Variants in ERGIC1 observed in about 807,000 individuals in gnomAD.
The protein encoded by ERGIC1 is endoplasmic reticulum-Golgi intermediate compartment protein 1.
ERGIC1 carries 19 observed loss-of-function variants against 38.3 expected under a neutral mutation model. The ratio of observed to expected loss-of-function variants is 0.50; its 90% CI spans 0.35 to 0.73. The LOEUF (loss-of-function observed/expected upper bound fraction) is 0.73. ERGIC1 is among the 30% of genes least tolerant of loss of function. ERGIC1 has a pLI of 0.01. For missense variants in ERGIC1, 294 were observed against 389.2 expected (o/e 0.76, Z 2.06); for synonymous variants, 124 against 157.6 (o/e 0.79, Z 1.60).
intron 1 of ERGIC1, chr5:172,867,475 G>T (rs1400929511): frequency 9.5e-6 from 4 of 422,478 alleles, no homozygotes; most frequent in Non-Finnish European, 1.9e-5. Context: ...CTGCTGGCTG[G>T]CCTTGGCCAC....
chr5:172,942,794 G>C (rs529671618), intron 9 of ERGIC1, among the ~76,000 whole-genome samples: 1 of 152,108 alleles, frequency 6.6e-6, no homozygotes, highest in East Asian at 1.9e-4. Context: ...GTGAGACCGA[G>C]TGGGCTCCAT....
chr5:172,840,244 A>G (rs1234013316), intron 1 of ERGIC1, among the ~76,000 whole-genome samples: 1 of 152,138 alleles, frequency 6.6e-6, no homozygotes, highest in Non-Finnish European at 1.5e-5. Flanking sequence ...TCTCCTCCCA[A>G]GGCCGTTTGG....
At chr5:172,910,859 T>A (rs1763191220) in intron 4 of ERGIC1, among the ~76,000 whole-genome samples, 1 of 152,172 alleles carries the variant, frequency 6.6e-6, no homozygotes, top group Non-Finnish European at 1.5e-5. Flanking sequence ...AAAACTCATT[T>A]GAAGTCTGAT....
intron 1 of ERGIC1, among the ~76,000 whole-genome samples, chr5:172,873,476 C>T (rs1762068578): frequency 1.3e-5 from 2 of 152,238 alleles, no homozygotes; most frequent in South Asian, 4.1e-4. Context: ...GACACAGCAC[C>T]ACAGTTCCTT....
chr5:172,868,050 C>G (rs533321659), intron 1 of ERGIC1, among the ~76,000 whole-genome samples: 2 of 152,296 alleles, frequency 1.3e-5, no homozygotes, highest in South Asian at 2.1e-4. Context: ...AAGAGAGAAG[C>G]CATAGAAAGC....
At chr5:172,852,108 C>T (rs576661436) in intron 1 of ERGIC1, among the ~76,000 whole-genome samples, 33 of 152,196 alleles carry the variant, frequency 2.2e-4, no homozygotes, top group Non-Finnish European at 2.9e-4. Flanking sequence ...AGGTGCATTG[C>T]CAGGGGCATT....
intron 1 of ERGIC1, among the ~76,000 whole-genome samples, chr5:172,854,449 A>G (rs1190500581): frequency 6.6e-6 from 1 of 152,262 alleles, no homozygotes; most frequent in African/African-American, 2.4e-5. Context: ...GATGAGAAAA[A>G]AAAGTATTTC....
chr5:172,904,322 G>A (rs1357652165), intron 3 of ERGIC1, among the ~76,000 whole-genome samples: 1 of 152,226 alleles, frequency 6.6e-6, no homozygotes, highest in Non-Finnish European at 1.5e-5. Context: ...CTCCCAGTCA[G>A]TAGCCCCCAC....
In ERGIC1 at chr5:172,842,942, G is replaced by A. The variant is rs1054270949; in HGVS notation, c.20+8509G>A. Among the ~76,000 whole-genome samples, 15 of 152,216 alleles carry A rather than the reference G, an allele frequency of 9.9e-5. No individual in the cohort carries two copies. The South Asian group carries it at 2.9e-3, about 29-fold the overall frequency. On this transcript the variant is annotated intron_variant, in intron 1 of 9. Coordinates refer to ENST00000393784, the MANE Select transcript of ERGIC1 (RefSeq NM_001031711.3). ...GTGGATCACCTGAGGTCAGGAGTTC[G>A]AGACCAACCTGGCCAACATGGAGAA...
At chr5:172,940,437 T>A (rs1373659898) in intron 9 of ERGIC1, among the ~76,000 whole-genome samples, 1 of 152,192 alleles carries the variant, frequency 6.6e-6, no homozygotes, top group East Asian at 1.9e-4. Flanking sequence ...CACACACATT[T>A]GTCCTGTGCC....
At chr5:172,944,078 C>A (rs2113488454) in intron 9 of ERGIC1, among the ~76,000 whole-genome samples, 1 of 152,298 alleles carries the variant, frequency 6.6e-6, no homozygotes, top group South Asian at 2.1e-4. Context: ...AATGCCACTT[C>A]CTGCACTGCC....
intron 5 of ERGIC1, chr5:172,920,502 T>C: frequency 1.4e-6 from 1 of 714,728 alleles, no homozygotes; most frequent in Admixed American, 2.0e-5. Flanking sequence ...GTATGGGGCC[T>C]GGCTCCAGCT....
chr5:172,942,336 C>T (rs1323063500), intron 9 of ERGIC1, among the ~76,000 whole-genome samples: 1 of 152,142 alleles, frequency 6.6e-6, no homozygotes. Flanking sequence ...TCCCAGCTCC[C>T]ATATGCCGCC....
At chr5:172,909,258 C>T (rs1763145668) in intron 3 of ERGIC1, among the ~76,000 whole-genome samples, 1 of 149,814 alleles carries the variant, frequency 6.7e-6, no homozygotes, top group South Asian at 2.1e-4. Context: ...CAACCTCAGC[C>T]TCCTGGGTTC....
At chr5:172,885,979 C>T (rs1171097838) in intron 1 of ERGIC1, among the ~76,000 whole-genome samples, 1 of 152,126 alleles carries the variant, frequency 6.6e-6, no homozygotes, top group African/African-American at 2.4e-5. Context: ...GGTCTGGCCT[C>T]CTGAGCCCGC....
intron 5 of ERGIC1, 90 bp from the exon 6 acceptor site, chr5:172,923,915 T>C: frequency 1.8e-6 from 2 of 1,136,476 alleles, no homozygotes; most frequent in South Asian, 2.6e-5. Flanking sequence ...CTGATTCCAG[T>C]GTCCTCCCTG....
At position 172,834,994 on chromosome 5, in the gene ERGIC1, G is replaced by T. The variant is rs897761416; in HGVS notation, c.20+561G>T. Among the ~76,000 whole-genome samples, 13 of 152,352 alleles carry T rather than the reference G, an allele frequency of 8.5e-5. No homozygotes were observed. Among genetic ancestry groups the T allele is most frequent in the Admixed American group, 3.9e-4 (6 of 15,312 alleles). ...AGCCCCAGCCCTGTCCGCTGGGTAT[G>T]GGGGCACCATGGGAAGGGGAGGAGG... On this transcript the variant is annotated intron_variant, in intron 1 of 9. Transcript: ENST00000393784. This position sits in a 1 kb window ranked among gnomAD's most constrained non-coding sequence, Gnocchi z 4.1.
At chr5:172,924,184 C>A in intron 6 of ERGIC1, 75 bp downstream of exon 6, 1 of 1,359,804 alleles carries the variant, frequency 7.4e-7, no homozygotes, top group Non-Finnish European at 1.0e-6. Context: ...GCCCTCTGCC[C>A]TCTCTGGGCA....
chr5:172,869,426 G>T (rs1003172523), intron 1 of ERGIC1, among the ~76,000 whole-genome samples: 2 of 152,202 alleles, frequency 1.3e-5, no homozygotes, highest in African/African-American at 4.8e-5. Context: ...CACCGAGTGG[G>T]ATGGGGAGGG....
Sources: gnomAD v4.1 joint callset for allele counts (sites outside exome capture counted in the v4.1 genomes callset) on GRCh38, gnomAD v4.1.1 for gene constraint, Gnocchi (gnomAD v3.1) non-coding constraint, MANE v1.5 for transcripts, NCBI Gene and HGNC (gene_info 2026-07-23, HGNC 2026-07-21) for gene names.